Variants in GNG4 observed in about 807,000 individuals in gnomAD.
GNG4 encodes G protein subunit gamma 4.
A neutral mutation model predicts 5.8 loss-of-function variants in GNG4; 4 were observed. That is an observed-to-expected ratio of 0.69 (90% CI 0.34 to 1.57). The LOEUF (loss-of-function observed/expected upper bound fraction) is 1.57, where lower values mean the gene tolerates loss of function less well. GNG4 is among the 40% of genes most tolerant of loss of function. The pLI is 0.06. For missense variants in GNG4, 96 were observed against 95.1 expected (o/e 1.01, Z -0.04); for synonymous variants, 29 against 32.9 (o/e 0.88, Z 0.41).
intron 3 of GNG4, among the ~76,000 whole-genome samples, chr1:235,555,366 A>T (rs1480197828): frequency 6.6e-6 from 1 of 152,242 alleles, no homozygotes; most frequent in Non-Finnish European, 1.5e-5. Flanking sequence ...AGGCAGCTGG[A>T]TAAAACCATA....
chr1:235,580,739 G>GTTTTTTTTTTTT lies in GNG4; in HGVS notation c.99+3000_99+3001insAAAAAAAAAAAA, dbSNP rs1200655746. ...GCACAGCAACATGGCGGCCTATCCC[G>GTTTTTTTTTTTT]TTTTTTGTTTTTTTTTTTTTTTTTT... On this transcript the variant is annotated intron_variant, in intron 3 of 3. Transcript: ENST00000391854. 3.1e-5 allele frequency among the ~76,000 whole-genome samples: 3 copies of GTTTTTTTTTTTT among 98,046 alleles called. 1 individual carries two copies. Among genetic ancestry groups the GTTTTTTTTTTTT allele is most frequent in the Non-Finnish European group, 5.6e-5 (3 of 54,044 alleles). The allele number at this position is 98,046 out of a possible 152,430, so 64.3% of individuals were successfully genotyped here.
intron 2 of GNG4, among the ~76,000 whole-genome samples, chr1:235,587,200 AAAGT>A (rs1687781700): frequency 8.4e-6 from 1 of 119,224 alleles, no homozygotes; most frequent in African/African-American, 3.6e-5. Flanking sequence ...TGTGTGACAG[AAAGT>A]ATGTGTGAGG....
chr1:235,587,969 C>T (rs796505272), intron 2 of GNG4, among the ~76,000 whole-genome samples: 21 of 151,448 alleles, frequency 1.4e-4, no homozygotes, highest in African/African-American at 4.4e-4. Context: ...GGTCATGTGG[C>T]GGGGAGGGAA....
intron 2 of GNG4, among the ~76,000 whole-genome samples, chr1:235,595,061 CTT>C (rs1339571427): frequency 2.0e-5 from 3 of 151,662 alleles, no homozygotes; most frequent in African/African-American, 7.3e-5. Flanking sequence ...AATAGCATCT[CTT>C]TTCCCACAGG....
In GNG4 at chr1:235,548,940, C is replaced by T. The variant is rs927800783; in HGVS notation, c.*3169G>A. 5.9e-5 allele frequency: 9 copies of T among 152,278 alleles called. No homozygotes were observed. The highest frequency in any genetic ancestry group is 2.2e-4 in the African/African-American group (9 of 41,420). The allele number at this position is 152,278 out of a possible 1,614,324, so 9.4% of individuals were successfully genotyped here. A position where few individuals can be genotyped will look rare whatever the true frequency, so the allele number is the denominator to read the frequency against. On this transcript the variant is annotated 3_prime_UTR_variant, in exon 4 of 4. Transcript: ENST00000391854. ...AGGCGCGGTGGCTCATGCCTGTAAT[C>T]CCAGCACTTTGGGAGGCCAAGGCGG...
At chr1:235,612,952 G>A (rs888176885) in intron 1 of GNG4, among the ~76,000 whole-genome samples, 1 of 152,140 alleles carries the variant, frequency 6.6e-6, no homozygotes, top group East Asian at 1.9e-4. Flanking sequence ...ACCTCTCACT[G>A]TGTCCTCACA....
intron 1 of GNG4, among the ~76,000 whole-genome samples, chr1:235,606,623 T>C (rs1277221667): frequency 2.0e-5 from 3 of 152,096 alleles, no homozygotes; most frequent in Admixed American, 6.5e-5. Flanking sequence ...AGAGTTCACA[T>C]AGGGCCAGGC....
intron 3 of GNG4, among the ~76,000 whole-genome samples, chr1:235,553,168 C>T (rs1046124510): frequency 2.0e-5 from 3 of 152,168 alleles, no homozygotes; most frequent in Admixed American, 6.5e-5. Context: ...AGCCTGCTGG[C>T]GCATGGCAGT....
chr1:235,615,557 C>G (rs1294212913), intron 1 of GNG4: 4 of 185,932 alleles, frequency 2.2e-5, no homozygotes. Context: ...AATGTGCTCT[C>G]CTAGCTCATT....
upstream of GNG4, chr1:235,650,132 C>A (rs535370995): frequency 6.6e-6 from 1 of 150,772 alleles, no homozygotes; most frequent in Non-Finnish European, 1.5e-5. Flanking sequence ...CCCGCGCCCC[C>A]CGCCCGCTAC....
At chr1:235,556,702 G>C (rs952771945) in intron 3 of GNG4, among the ~76,000 whole-genome samples, 5 of 151,756 alleles carry the variant, frequency 3.3e-5, no homozygotes, top group Non-Finnish European at 5.9e-5. Flanking sequence ...GATGGTTTCA[G>C]GAGGATTCAA....
intron 1 of GNG4, among the ~76,000 whole-genome samples, chr1:235,629,733 A>G (rs1280315773): frequency 6.6e-6 from 1 of 151,884 alleles, no homozygotes; most frequent in African/African-American, 2.4e-5. Flanking sequence ...AGTAGCTGGG[A>G]CTAGCATGCC....
rs1204554749 is a variant in GNG4, at chr1:235,551,576, A to G, written c.*533T>C. 6.5e-6 allele frequency: 1 copy of G among 152,676 alleles called. No individual in the cohort carries two copies. Among genetic ancestry groups the G allele is most frequent in the Admixed American group, 6.5e-5 (1 of 15,302 alleles). 9.5% of individuals were successfully genotyped at this position (152,676 alleles called of 1,614,324 possible). ...AACAACAACAAAAAAAAAACAAAAG[A>G]AAACCATTCCAATCCTGTGGGTTGT... On this transcript the variant is annotated 3_prime_UTR_variant, in exon 4 of 4. Transcript: ENST00000391854.
At chr1:235,605,924 C>T (rs1390079290) in intron 1 of GNG4, among the ~76,000 whole-genome samples, 1 of 142,362 alleles carries the variant, frequency 7.0e-6, no homozygotes, top group Non-Finnish European at 1.5e-5. Flanking sequence ...AAAAAGATTG[C>T]TGTTACATTT....
Position 235,568,168 on chromosome 1 carries a change from T to TTTTA in GNG4, c.99+15571_99+15572insTAAA, listed in dbSNP as rs35709787. ...TCTAATAAATCTGCTTTTTTTTTTT[T>TTTTA]AAACCTATGACTGCCTTGGCAAATT... is the stretch of plus-strand genomic sequence containing the variant. On this transcript the variant is annotated intron_variant, in intron 3 of 3. Coordinates refer to ENST00000391854, the MANE Select transcript of GNG4 (RefSeq NM_001098722.2). 9.1e-3 allele frequency among the ~76,000 whole-genome samples: 1,366 copies of TTTTA among 150,708 alleles called. 17 individuals are homozygous for TTTTA. The highest frequency in any genetic ancestry group is 0.029 in the African/African-American group (1,206 of 40,954).
chr1:235,634,913 G>A (rs548028610), intron 1 of GNG4, among the ~76,000 whole-genome samples: 1 of 152,012 alleles, frequency 6.6e-6, no homozygotes, highest in Non-Finnish European at 1.5e-5. Flanking sequence ...CAGCCTGCGC[G>A]ACAAGAGCAA....
intron 2 of GNG4, among the ~76,000 whole-genome samples, chr1:235,586,392 G>A (rs1299644616): frequency 1.3e-5 from 2 of 152,190 alleles, no homozygotes; most frequent in Non-Finnish European, 1.5e-5. Flanking sequence ...GTGTGTGTGT[G>A]TGCTGATGTG....
At chr1:235,624,279 T>G in intron 1 of GNG4, among the ~76,000 whole-genome samples, 1 of 144,940 alleles carries the variant, frequency 6.9e-6, no homozygotes, top group Admixed American at 6.9e-5. Context: ...ATTTTTGTAT[T>G]TTTTTTTTTT....
intron 3 of GNG4, among the ~76,000 whole-genome samples, chr1:235,565,295 G>T (rs1242898628): frequency 6.6e-6 from 1 of 152,036 alleles, no homozygotes; most frequent in Admixed American, 6.5e-5. Context: ...GAGGTCAGGA[G>T]TTCGAAACCA....
Sources: allele counts gnomAD v4.1 joint callset (sites outside exome capture counted in the v4.1 genomes callset), GRCh38; gene constraint gnomAD v4.1.1; transcripts MANE v1.5; gene names NCBI Gene and HGNC (gene_info 2026-07-23, HGNC 2026-07-21).